ABCA13: variants seen among roughly 807,000 people sequenced by gnomAD.
The protein encoded by ABCA13 is ATP binding cassette subfamily A member 13.
In ABCA13, 476 loss-of-function variants were observed where a neutral mutation model predicts 478.7. That is an observed-to-expected ratio of 0.99 (90% confidence interval 0.92 to 1.07). The LOEUF (loss-of-function observed/expected upper bound fraction) is 1.07. Among genes scored for constraint, ABCA13 ranks in the 50% least tolerant of loss-of-function variants. ABCA13 has a pLI of 0.00. For synonymous variants in ABCA13, 2,252 were observed against 2,158.9 expected, an observed-to-expected ratio of 1.04 and a Z score of -1.20; for missense variants, 6,060 against 5,910.6, an observed-to-expected ratio of 1.03 and a Z score of -0.83.
At chr7:48,425,730 CTTATTTAT>C (rs145744455) in intron 41 of ABCA13, among the ~76,000 whole-genome samples, 5 of 113,676 alleles carry the variant, frequency 4.4e-5, no homozygotes, top group South Asian at 5.9e-4. Flanking sequence ...TATAATATGT[CTTATTTAT>C]TTATTTATTT....
intron 5 of ABCA13, among the ~76,000 whole-genome samples, chr7:48,223,866 C>T (rs954093282): frequency 6.7e-6 from 1 of 149,874 alleles, no homozygotes; most frequent in African/African-American, 2.5e-5. Flanking sequence ...GGCTGAGGCA[C>T]GAGAATTGCT....
intron 23 of ABCA13, among the ~76,000 whole-genome samples, chr7:48,301,236 T>A (rs1220161320): frequency 6.6e-6 from 1 of 152,166 alleles, no homozygotes; most frequent in African/African-American, 2.4e-5. Context: ...TATTCTGAAT[T>A]TTTTTTCTTT....
At chr7:48,463,218 G>C (rs1228535865) in intron 43 of ABCA13, among the ~76,000 whole-genome samples, 1 of 152,076 alleles carries the variant, frequency 6.6e-6, no homozygotes, top group Non-Finnish European at 1.5e-5. Context: ...TGGTTGCTGG[G>C]ACCCCAGGAC....
intron 55 of ABCA13, among the ~76,000 whole-genome samples, chr7:48,575,809 A>G (rs1229158711): frequency 6.6e-6 from 1 of 152,176 alleles, no homozygotes; most frequent in Non-Finnish European, 1.5e-5. Context: ...ACTAAAAATT[A>G]TCAACTCTTC....
intron 1 of ABCA13, among the ~76,000 whole-genome samples, chr7:48,182,687 A>G (rs910157971): frequency 6.6e-6 from 1 of 152,218 alleles, no homozygotes; most frequent in Admixed American, 6.5e-5. Context: ...GGAGAAAAAA[A>G]TTGGTTTATT....
intron 53 of ABCA13, among the ~76,000 whole-genome samples, chr7:48,520,737 G>A (rs915187832): frequency 1.3e-5 from 2 of 152,128 alleles, no homozygotes; most frequent in Non-Finnish European, 2.9e-5. Flanking sequence ...GGTGTGTGAT[G>A]TTCCCCTTCC....
In ABCA13 at chr7:48,645,505, C is replaced by G; in HGVS notation, c.15170C>G (p.Pro5057Arg). 1 of 1,580,254 alleles carries G rather than the reference C, an allele frequency of 6.3e-7. No individual in the cohort carries two copies. Among genetic ancestry groups the G allele is most frequent in the Non-Finnish European group, 8.6e-7 (1 of 1,161,654 alleles). The stretch of plus-strand genomic sequence containing the variant: ...GACAGTCACCACACACATCACTTGC[C>G]CATCTGAGCACTAAAGAAGTTTCCA... ...STDSHHTHHL[P>R]I The change falls in exon 62 of 62, where the codon CCC (proline) becomes CGC (arginine). Residue 5057 changes from proline (P) to arginine (R), a missense_variant. By Grantham distance (103) the Pro-to-Arg change is moderately radical. Transcript: ENST00000435803.
Position 48,570,624 on chromosome 7 carries a change from C to T in ABCA13, c.14355-9600C>T, listed in dbSNP as rs148211271. 9.6e-4 allele frequency among the ~76,000 whole-genome samples: 146 copies of T among 151,946 alleles called. 1 individual carries two copies. The East Asian group carries it at 0.026, about 27-fold the overall frequency. ...AGGTGTGAGCCACCGCACCCAGCTGCATCCTTTTACTTTCAAACTATTTGT... is the reference window on the plus strand; with the variant it reads ...AGGTGTGAGCCACCGCACCCAGCTGTATCCTTTTACTTTCAAACTATTTGT... On this transcript the variant is annotated intron_variant, in intron 55 of 61. Coordinates refer to ENST00000435803, the MANE Select transcript of ABCA13 (RefSeq NM_152701.5).
chr7:48,439,478 CTA>C (rs1313760118), intron 42 of ABCA13, among the ~76,000 whole-genome samples: 3 of 152,002 alleles, frequency 2.0e-5, no homozygotes, highest in Admixed American at 2.0e-4. Flanking sequence ...AGGCAAAATG[CTA>C]ATAACCGAAA....
At chr7:48,555,150 T>A (rs1785682869) in intron 55 of ABCA13, among the ~76,000 whole-genome samples, 1 of 151,958 alleles carries the variant, frequency 6.6e-6, no homozygotes, top group African/African-American at 2.4e-5. Context: ...GATTTGTATA[T>A]GTTGAAACAT....
At chr7:48,266,124 C>T (rs1035499576) in intron 15 of ABCA13, among the ~76,000 whole-genome samples, 7 of 151,566 alleles carry the variant, frequency 4.6e-5, no homozygotes, top group African/African-American at 1.7e-4. Context: ...GAGATAAACT[C>T]CACTTGATCA....
Position 48,298,457 on chromosome 7 carries a change from C to A in ABCA13, c.9291C>A (p.Ser3097Arg). Residue 3097 changes from serine to arginine, a missense_variant, in exon 23 of 62, where the codon AGC (serine) becomes AGA (arginine). Ser to Arg is a moderately radical substitution (Grantham distance 110, BLOSUM62 -1). Around this residue, in one of 3 missense-constraint regions of ABCA13, gnomAD observed 4,423 missense variants for 4,309.1 expected, o/e 1.03. Coordinates refer to ENST00000435803, the MANE Select transcript of ABCA13 (RefSeq NM_152701.5). ...AAATCTCGAATGAGACTATCCATAGCATTCTAGAAGCAAATATTTCCCACT... is the reference window on the plus strand; with the variant it reads ...AAATCTCGAATGAGACTATCCATAGAATTCTAGAAGCAAATATTTCCCACT... ...SIQISNETIHSILEANISHSK... is the reference protein window; with the variant it reads ...SIQISNETIHRILEANISHSK... The A allele has an allele frequency of 6.2e-7, 1 of 1,613,510 alleles. No individual in the cohort carries two copies. Among genetic ancestry groups the A allele is most frequent in the South Asian group, 1.1e-5 (1 of 90,894 alleles).
chr7:48,294,882 T>G (rs1228011530), intron 20 of ABCA13, among the ~76,000 whole-genome samples: 5 of 152,242 alleles, frequency 3.3e-5, no homozygotes, highest in Non-Finnish European at 7.3e-5. Flanking sequence ...GTGGCATAAT[T>G]TCCTTCTTTT....
At position 48,278,467 on chromosome 7, in the gene ABCA13, A is replaced by T; in HGVS notation, c.7273A>T (p.Arg2425Ter). ...AAGAGAATGTTCAACAGAGATGGCA[A>T]GACTTCTGGATACAATTTTACACTC... Reference protein sequence around the residue: ...LVRECSTEMARLLDTILHSPN... With the variant: ...LVRECSTEMA Residue 2425 changes from arginine to a stop codon, truncating the protein, a stop_gained, in exon 18 of 62, where the codon AGA becomes TGA. Transcript: ENST00000435803. LOFTEE classifies it high-confidence loss of function. The T allele has an allele frequency of 3.1e-6, 5 of 1,613,964 alleles. No homozygotes were observed. Among genetic ancestry groups the T allele is most frequent in the Non-Finnish European group, 4.2e-6 (5 of 1,179,872 alleles).
chr7:48,330,482 T>C, intron 27 of ABCA13, among the ~76,000 whole-genome samples: 1 of 133,076 alleles, frequency 7.5e-6, no homozygotes, highest in Non-Finnish European at 1.6e-5. Context: ...TGTCCATCCA[T>C]CCGTCCATCC....
chr7:48,240,821 C>A, intron 9 of ABCA13, 46 bp from the exon 10 acceptor site: 1 of 1,418,692 alleles, frequency 7.0e-7, no homozygotes, highest in South Asian at 1.8e-5. Context: ...CTGTTCTTTC[C>A]AATTTGCTAT....
intron 35 of ABCA13, among the ~76,000 whole-genome samples, chr7:48,387,328 G>A (rs1237762051): frequency 2.6e-5 from 4 of 152,084 alleles, no homozygotes; most frequent in African/African-American, 9.7e-5. Flanking sequence ...TTGAAGAATG[G>A]TAACGTGTTT....
intron 1 of ABCA13, among the ~76,000 whole-genome samples, chr7:48,175,307 A>G (rs1367586041): frequency 2.0e-5 from 3 of 152,198 alleles, no homozygotes; most frequent in African/African-American, 7.2e-5. Context: ...AATACAAATA[A>G]TGTATGGTGA....
At chr7:48,558,838 G>T (rs67081192) in intron 55 of ABCA13, among the ~76,000 whole-genome samples, 21,089 of 152,128 alleles carry the variant, frequency 0.14, 1,834 homozygotes, top group African/African-American at 0.23. Context: ...TGGCCTTGAT[G>T]TTCAGAGATG....
Sources: gnomAD v4.1 joint callset for allele counts (sites outside exome capture counted in the v4.1 genomes callset) on GRCh38, gnomAD v4.1.1 for gene constraint, gnomAD v4.1.1 regional missense constraint, MANE v1.5 for transcripts, NCBI Gene and HGNC (gene_info 2026-07-23, HGNC 2026-07-21) for gene names.